The following WBP2NL variants were observed in gnomAD, a reference collection of about 807,000 sequenced individuals.
WBP2NL encodes postacrosomal sheath WW domain-binding protein.
WBP2NL carries 27 observed loss-of-function variants against 23.3 expected under a neutral mutation model. The observed-to-expected ratio is 1.16, with a 90% CI of 0.85 to 1.60. WBP2NL has a LOEUF of 1.60. Ranked by LOEUF, WBP2NL falls within the 40% of genes most tolerant of loss-of-function variation. The pLI is 0.00. For missense variants in WBP2NL, 370 were observed against 389.5 expected (o/e 0.95, Z 0.42); for synonymous variants, 151 against 145.9 (o/e 1.03, Z -0.25).
intron 1 of WBP2NL, chr22:42,001,827 G>T: frequency 7.7e-7 from 1 of 1,291,658 alleles, no homozygotes; most frequent in Non-Finnish European, 1.1e-6. Context: ...TTGCTTATCT[G>T]CAGTGATCTG....
chr22:42,026,736 G>T lies in WBP2NL; in HGVS notation c.515-30G>T, dbSNP rs559734121. ...CATATTCCTTGACTTAAAGGTAACT[G>T]AATTTTTTTCCTTCCATTATAATTC... On this transcript the variant is annotated intron_variant, in intron 5 of 5. Coordinates refer to ENST00000328823, the MANE Select transcript of WBP2NL (RefSeq NM_152613.3). 3 of 1,599,638 alleles carry T rather than the reference G, an allele frequency of 1.9e-6. No homozygotes were observed. In the African/African-American group the frequency reaches 4.1e-5, roughly 22 times the overall value.
At chr22:42,005,210 CTCTG>C (rs969613155) in intron 1 of WBP2NL, among the ~76,000 whole-genome samples, 8 of 146,352 alleles carry the variant, frequency 5.5e-5, no homozygotes, top group African/African-American at 2.0e-4. Flanking sequence ...GAGTGTAAGA[CTCTG>C]TCTGAAATAA....
intron 8 of WBP2NL, among the ~76,000 whole-genome samples, chr22:42,042,095 C>G (rs1476576032): frequency 6.6e-6 from 1 of 152,162 alleles, no homozygotes; most frequent in Non-Finnish European, 1.5e-5. Context: ...TTGCATCTTT[C>G]AAAAGTTTTT....
intron 8 of WBP2NL, among the ~76,000 whole-genome samples, chr22:42,050,441 T>G (rs562784244): frequency 1.1e-4 from 17 of 152,180 alleles, no homozygotes; most frequent in African/African-American, 3.9e-4. Flanking sequence ...AGGTTAGGAA[T>G]TTGAGACCAG....
chr22:42,020,868 GTA>G (rs1335645142), intron 4 of WBP2NL, among the ~76,000 whole-genome samples: 239 of 15,208 alleles, frequency 0.016, 1 homozygote, highest in Middle Eastern at 0.045. Context: ...GTGTGTGTGT[GTA>G]TATATATATA....
intron 1 of WBP2NL, among the ~76,000 whole-genome samples, chr22:42,010,749 A>G (rs972539733): frequency 2.0e-5 from 3 of 152,170 alleles, no homozygotes; most frequent in African/African-American, 7.2e-5. Context: ...CGTGTTAGCC[A>G]GGATGATCTC....
intron 8 of WBP2NL, among the ~76,000 whole-genome samples, chr22:42,049,500 C>T (rs1469484179): frequency 1.3e-5 from 2 of 152,006 alleles, no homozygotes; most frequent in East Asian, 3.9e-4. Flanking sequence ...ACCATCCTGG[C>T]TAACACGGTG....
rs772224752 is a variant in WBP2NL at position 42,019,823 on chromosome 22, T to C, written c.313+20T>C. The C allele has an allele frequency of 1.2e-6, 2 of 1,608,966 alleles. No individual in the cohort carries two copies. Among genetic ancestry groups the C allele is most frequent in the African/African-American group, 1.3e-5 (1 of 74,574 alleles). ...CATATGGTAAGTGTTCCCTCAGAAG[T>C]GTGTATTTTTTTTTCCCTCAAAATC... is the stretch of plus-strand genomic sequence containing the variant. On this transcript the variant is annotated intron_variant, in intron 3 of 5. Transcript: ENST00000328823.
rs35848343 is a variant in WBP2NL at position 42,041,481 on chromosome 22, TA to T, written c.*273+10681del. Among the ~76,000 whole-genome samples, 509 of 112,818 alleles carry T rather than the reference TA, an allele frequency of 4.5e-3. 1 individual carries two copies. The highest frequency in any genetic ancestry group is 5.3e-3 in the East Asian group (23 of 4,352). The allele number at this position is 112,818 out of a possible 152,430, so 74.0% of individuals were successfully genotyped here. A position where few individuals can be genotyped will look rare whatever the true frequency, so the allele number is the denominator to read the frequency against. On this transcript the variant is annotated intron_variant and NMD_transcript_variant, in intron 8 of 8. Transcript: ENST00000436265. ...TGGCAACAGGGCGAGGTTCTGTCTTTAAAAAAAAAAAAAAAAAAAAAAAGTC... is the reference window on the plus strand; with the variant it reads ...TGGCAACAGGGCGAGGTTCTGTCTTTAAAAAAAAAAAAAAAAAAAAAAGTC...
At chr22:42,026,492 C>T (rs1924505984) in intron 5 of WBP2NL, among the ~76,000 whole-genome samples, 1 of 151,778 alleles carries the variant, frequency 6.6e-6, no homozygotes, top group South Asian at 2.1e-4. Flanking sequence ...TTTTCATAAT[C>T]AAACTTTATT....
rs996396964 is a variant in WBP2NL, at chr22:42,053,509, G to C, written c.*274-4781G>C. Among the ~76,000 whole-genome samples the C allele has an allele frequency of 4.6e-5, 7 of 151,456 alleles. No individual in the cohort carries two copies. In the East Asian group the frequency reaches 1.4e-3, roughly 29 times the overall value. On this transcript the variant is annotated intron_variant and NMD_transcript_variant, in intron 8 of 8. Coordinates refer to the WBP2NL transcript ENST00000436265. ...ACCAGAGTCACTCTCACCCAGGCTG[G>C]AGTGCAGTGGCGCGATCTCAGCTCA...
At chr22:42,052,710 G>A (rs974843669) in intron 8 of WBP2NL, among the ~76,000 whole-genome samples, 10 of 152,290 alleles carry the variant, frequency 6.6e-5, no homozygotes, top group Admixed American at 6.5e-4. Flanking sequence ...TCTTTGGCCT[G>A]TGCATATTGC....
chr22:42,006,874 A>C (rs1227999989), intron 1 of WBP2NL, among the ~76,000 whole-genome samples: 1 of 152,346 alleles, frequency 6.6e-6, no homozygotes, highest in East Asian at 1.9e-4. Context: ...AGTCATGAAC[A>C]TATGGGACAG....
intron 1 of WBP2NL, among the ~76,000 whole-genome samples, chr22:42,008,132 C>T (rs1054400966): frequency 1.4e-4 from 18 of 133,174 alleles, no homozygotes; most frequent in Non-Finnish European, 2.5e-4. Flanking sequence ...CTTTCCTTTC[C>T]TTTCCTTTCC....
At chr22:42,001,222 G>A (rs1921634158) in intron 1 of WBP2NL, 2 of 714,026 alleles carry the variant, frequency 2.8e-6, no homozygotes, top group African/African-American at 1.8e-5. Context: ...TGTACATGAT[G>A]TCAGTTCCTT....
intron 8 of WBP2NL, among the ~76,000 whole-genome samples, chr22:42,048,582 T>C (rs1033486271): frequency 2.0e-5 from 3 of 150,950 alleles, no homozygotes; most frequent in African/African-American, 4.9e-5. Flanking sequence ...CAGTGAAACC[T>C]TGTCTCTACT....
chr22:42,053,675 G>A (rs184748459), intron 8 of WBP2NL, among the ~76,000 whole-genome samples: 18 of 152,060 alleles, frequency 1.2e-4, no homozygotes, highest in African/African-American at 4.3e-4. Flanking sequence ...GGCCAGGCTG[G>A]TCTCGAACTC....
At chr22:42,007,700 A>G (rs548146876) in intron 1 of WBP2NL, among the ~76,000 whole-genome samples, 101 of 152,306 alleles carry the variant, frequency 6.6e-4, no homozygotes, top group African/African-American at 2.1e-3. Context: ...AACATCCTCA[A>G]GGTTCGTCCA....
chr22:42,021,789 C>CTTT (rs11413615), intron 4 of WBP2NL, among the ~76,000 whole-genome samples: 8 of 132,678 alleles, frequency 6.0e-5, no homozygotes, highest in African/African-American at 1.4e-4. Context: ...TTCTTTCTTT[C>CTTT]TTTTTTTTTT....
Sources: allele counts gnomAD v4.1 joint callset (sites outside exome capture counted in the v4.1 genomes callset), GRCh38; gene constraint gnomAD v4.1.1; transcripts MANE v1.5; gene names NCBI Gene and HGNC (gene_info 2026-07-23, HGNC 2026-07-21).